The following CLVS1 variants were observed in gnomAD, a reference collection of about 807,000 sequenced individuals.
CLVS1 encodes clavesin-1.
Under a neutral mutation model 33.1 loss-of-function variants are expected in CLVS1, and 10 were observed. The observed-to-expected ratio is 0.30, with a 90% confidence interval of 0.19 to 0.51. The LOEUF is 0.51. Ranked by LOEUF, CLVS1 falls within the 20% of genes least tolerant of loss-of-function variation. The pLI, the probability that CLVS1 is intolerant of heterozygous loss-of-function variation, is 0.97. For synonymous variants in CLVS1, 163 were observed against 166.1 expected, an observed-to-expected ratio of 0.98 and a Z score of 0.14; for missense variants, 343 against 433.4, an observed-to-expected ratio of 0.79 and a Z score of 1.85.
At chr8:60,994,310 T>C in the CLVS1 span, among the ~76,000 whole-genome samples, 1 of 152,200 alleles carries the variant, frequency 6.6e-6, no homozygotes, top group African/African-American at 2.4e-5. Flanking sequence ...TTAAAAGCCC[T>C]ATCTCCAAAT....
chr8:61,469,453 C>A (rs915856898), intron 5 of CLVS1, among the ~76,000 whole-genome samples: 1 of 152,100 alleles, frequency 6.6e-6, no homozygotes, highest in African/African-American at 2.4e-5. Flanking sequence ...TGAGAATGCC[C>A]GGATTAAATT....
At chr8:61,206,049 G>A (rs971999439) in intron 2 of CLVS1, among the ~76,000 whole-genome samples, 1 of 152,110 alleles carries the variant, frequency 6.6e-6, no homozygotes, top group Non-Finnish European at 1.5e-5. Flanking sequence ...TATCTGTCAA[G>A]CGTATAAGTA....
Position 61,059,455 on chromosome 8 carries a change from C to CATAT in CLVS1, c.-243+2226_-243+2227insTATA, listed in dbSNP as rs1219229388. Among the ~76,000 whole-genome samples the CATAT allele has an allele frequency of 1.0e-4, 10 of 98,680 alleles. No homozygotes were observed. In the East Asian group the frequency reaches 3.6e-3, roughly 36 times the overall value. The allele number at this position is 98,680 out of a possible 152,430, so 64.7% of individuals were successfully genotyped here. A position where few individuals can be genotyped will look rare whatever the true frequency, so the allele number is the denominator to read the frequency against. On this transcript the variant is annotated intron_variant, in intron 1 of 2. Transcript: ENST00000522621. ...CCTATATCATATATATATATACACACACATATACATACATACATACATATA... is the reference window on the plus strand; with the variant it reads ...CCTATATCATATATATATATACACACATATACATATACATACATACATACATATA...
chr8:61,414,528 C>G (rs1482836738), intron 3 of CLVS1, among the ~76,000 whole-genome samples: 1 of 151,746 alleles, frequency 6.6e-6, no homozygotes, highest in African/African-American at 2.4e-5. Context: ...TTGTGACCTG[C>G]CAGGTCTCTG....
intron 2 of CLVS1, among the ~76,000 whole-genome samples, chr8:61,316,445 C>G (rs1811012988): frequency 6.6e-6 from 1 of 152,180 alleles, no homozygotes; most frequent in South Asian, 2.1e-4. Flanking sequence ...TCTCTTTCTA[C>G]TTGTTAACTC....
intron 2 of CLVS1, among the ~76,000 whole-genome samples, chr8:61,310,366 A>G (rs1350803269): frequency 6.6e-6 from 1 of 152,202 alleles, no homozygotes; most frequent in Non-Finnish European, 1.5e-5. Context: ...AGGTTAGGTG[A>G]TCTGTCCAAG....
At chr8:61,134,373 G>C (rs749056677) in intron 2 of CLVS1, among the ~76,000 whole-genome samples, 3 of 152,198 alleles carry the variant, frequency 2.0e-5, no homozygotes, top group Non-Finnish European at 4.4e-5. Context: ...CTAATGGCCA[G>C]ATCTGACCCG....
chr8:61,136,333 C>T (rs1268223918), intron 2 of CLVS1, among the ~76,000 whole-genome samples: 1 of 152,182 alleles, frequency 6.6e-6, no homozygotes, highest in East Asian at 1.9e-4. Context: ...AGCCTCACTG[C>T]AACAACATGA....
the CLVS1 span, among the ~76,000 whole-genome samples, chr8:60,974,727 C>T: frequency 3.1e-4 from 47 of 150,020 alleles, no homozygotes; most frequent in African/African-American, 9.1e-4. Flanking sequence ...TGCAGTGAGC[C>T]GAGATCACGC....
intron 1 of CLVS1, among the ~76,000 whole-genome samples, chr8:61,130,332 C>T (rs1326745877): frequency 6.6e-6 from 1 of 151,978 alleles, no homozygotes; most frequent in Non-Finnish European, 1.5e-5. Context: ...TAAAGTTCCA[C>T]CACAGGTCAA....
At chr8:60,979,755 G>A in the CLVS1 span, among the ~76,000 whole-genome samples, 4 of 152,184 alleles carry the variant, frequency 2.6e-5, no homozygotes, top group African/African-American at 9.7e-5. Flanking sequence ...TAGCTGGGGT[G>A]GGAAGGCAGG....
intron 2 of CLVS1, among the ~76,000 whole-genome samples, chr8:61,143,759 ATATAT>A (rs1382694841): frequency 7.3e-6 from 1 of 137,126 alleles, no homozygotes; most frequent in African/African-American, 2.8e-5. Flanking sequence ...TATAATATGA[ATATAT>A]TATATATAAT....
chr8:61,394,278 A>G (rs1292520364), intron 3 of CLVS1, among the ~76,000 whole-genome samples: 2 of 152,168 alleles, frequency 1.3e-5, no homozygotes, highest in African/African-American at 4.8e-5. Flanking sequence ...TTGGCCCAGG[A>G]GGTGGCACTT....
chr8:61,427,175 C>A (rs1302300527), intron 3 of CLVS1, among the ~76,000 whole-genome samples: 2 of 152,200 alleles, frequency 1.3e-5, no homozygotes, highest in Non-Finnish European at 2.9e-5. Context: ...ACTCACTCAA[C>A]AGCAACACTT....
chr8:61,437,353 C>G (rs1816369392), intron 3 of CLVS1, among the ~76,000 whole-genome samples: 1 of 152,188 alleles, frequency 6.6e-6, no homozygotes, highest in Non-Finnish European at 1.5e-5. Context: ...TCTCTTGAAG[C>G]TACCTTCAGA....
chr8:61,213,825 T>C (rs1182960358), intron 2 of CLVS1, among the ~76,000 whole-genome samples: 1 of 152,198 alleles, frequency 6.6e-6, no homozygotes, highest in Non-Finnish European at 1.5e-5. Context: ...AGAGATAACC[T>C]TAAACTCTGA....
intron 2 of CLVS1, among the ~76,000 whole-genome samples, chr8:61,160,251 G>A (rs1806727291): frequency 6.6e-6 from 1 of 152,164 alleles, no homozygotes; most frequent in Non-Finnish European, 1.5e-5. Flanking sequence ...TTTGAAATCA[G>A]TACCAATATT....
chr8:60,979,458 A>G, the CLVS1 span, among the ~76,000 whole-genome samples: 1 of 152,248 alleles, frequency 6.6e-6, no homozygotes, highest in Non-Finnish European at 1.5e-5. Flanking sequence ...CAACATCTGC[A>G]GCAATACTGA....
intron 1 of CLVS1, among the ~76,000 whole-genome samples, chr8:61,123,161 C>A (rs946397377): frequency 1.4e-5 from 2 of 142,840 alleles, no homozygotes; most frequent in African/African-American, 5.1e-5. Flanking sequence ...CCCAGCTACT[C>A]AGGAGGCTGA....
Sources: gnomAD v4.1 joint callset for allele counts (sites outside exome capture counted in the v4.1 genomes callset) on GRCh38, gnomAD v4.1.1 for gene constraint, MANE v1.5 for transcripts, NCBI Gene and HGNC (gene_info 2026-07-23, HGNC 2026-07-21) for gene names.